MXRA7: variants seen among roughly 807,000 people sequenced by gnomAD.
MXRA7 encodes the protein matrix-remodeling-associated protein 7.
Under a neutral mutation model 17.4 loss-of-function variants are expected in MXRA7, and 18 were observed. That is an observed-to-expected ratio of 1.03 (90% confidence interval 0.71 to 1.53). The LOEUF (loss-of-function observed/expected upper bound fraction) is 1.53, where lower values mean the gene tolerates loss of function less well. Ranked by LOEUF, MXRA7 falls within the 40% of genes most tolerant of loss-of-function variation. The pLI is 0.00. For missense variants in MXRA7, 141 were observed against 209.3 expected (o/e 0.67, Z 2.01); for synonymous variants, 70 against 101.7 (o/e 0.69, Z 1.87).
intron 1 of MXRA7, among the ~76,000 whole-genome samples, chr17:76,700,858 G>A (rs947292448): frequency 3.1e-4 from 47 of 152,126 alleles, no homozygotes; most frequent in African/African-American, 9.7e-4. Context: ...ATCTGCTCAC[G>A]GGGGCAAGGA....
chr17:76,700,858 G>C (rs947292448), intron 1 of MXRA7, among the ~76,000 whole-genome samples: 1 of 152,126 alleles, frequency 6.6e-6, no homozygotes, highest in Non-Finnish European at 1.5e-5. Flanking sequence ...ATCTGCTCAC[G>C]GGGGCAAGGA....
chr17:76,684,101 C>T (rs1025775474), intron 3 of MXRA7, among the ~76,000 whole-genome samples: 4 of 151,128 alleles, frequency 2.6e-5, no homozygotes, highest in Non-Finnish European at 5.9e-5. Context: ...ATGCCAGCAG[C>T]GGGAGGGGAG....
At chr17:76,703,095 G>A (rs1159214458) in intron 1 of MXRA7, among the ~76,000 whole-genome samples, 4 of 151,260 alleles carry the variant, frequency 2.6e-5, no homozygotes, top group Non-Finnish European at 4.4e-5. Flanking sequence ...TTGGGTGACA[G>A]AACCAGACCT....
chr17:76,698,485 T>G (rs1234300026), intron 1 of MXRA7, among the ~76,000 whole-genome samples: 1 of 151,292 alleles, frequency 6.6e-6, no homozygotes, highest in Non-Finnish European at 1.5e-5. Flanking sequence ...CTCAGCCATC[T>G]CCCCCTCCAA....
At chr17:76,688,566 G>T (rs1462392466) in intron 1 of MXRA7, 9 of 1,262,900 alleles carry the variant, frequency 7.1e-6, no homozygotes, top group African/African-American at 1.5e-5. Context: ...TCTGGGACCA[G>T]GGCCAGGCAG....
rs1421256102 is a variant in MXRA7 at position 76,679,665 on chromosome 17, G to A, written c.*1202C>T. 1.1e-6 allele frequency: 1 copy of A among 933,530 alleles called. No individual in the cohort carries two copies. The highest frequency in any genetic ancestry group is 1.3e-6 in the Non-Finnish European group (1 of 782,764). The allele number at this position is 933,530 out of a possible 1,614,324, so 57.8% of individuals were successfully genotyped here. A position where few individuals can be genotyped will look rare whatever the true frequency, so the allele number is the denominator to read the frequency against. ...CATGAGGTGTGGTGCCTATAAGCCA[G>A]GGTCGGAAACTTTCCAGACAAACCT... On this transcript the variant is annotated 3_prime_UTR_variant, in exon 4 of 4. Coordinates refer to ENST00000449428, the MANE Select transcript of MXRA7 (RefSeq NM_198530.4).
chr17:76,688,343 T>C, intron 1 of MXRA7, 167 bp from the exon 2 acceptor site: 1 of 1,446,092 alleles, frequency 6.9e-7, no homozygotes, highest in Non-Finnish European at 9.1e-7. Context: ...GTGGGGGCTG[T>C]GTACAAACGA....
chr17:76,684,797 TG>T (rs1258340721), intron 3 of MXRA7: 29 of 224,548 alleles, frequency 1.3e-4, no homozygotes, highest in South Asian at 2.0e-4. Context: ...GTGGAGGGGG[TG>T]GGGGGGTGCA....
In MXRA7 at chr17:76,692,989, G is replaced by A. The variant is rs528640936; in HGVS notation, c.343-4813C>T. ...GGTCCTTTGCCTGCCTGTCCCTCCA[G>A]ACACTAGCACATGCGGAGAATTAAA... On this transcript the variant is annotated intron_variant, in intron 1 of 3. Transcript: ENST00000449428. Among the ~76,000 whole-genome samples the A allele has an allele frequency of 3.4e-4, 51 of 150,720 alleles. No homozygotes were observed. In the South Asian group the frequency reaches 8.6e-3, roughly 26 times the overall value.
intron 1 of MXRA7, among the ~76,000 whole-genome samples, chr17:76,694,050 G>C (rs2076506244): frequency 6.6e-6 from 1 of 152,222 alleles, no homozygotes; most frequent in South Asian, 2.1e-4. Flanking sequence ...CGTGGCCCCA[G>C]TTGGGGCGGT....
chr17:76,688,351 C>T (rs116164021), intron 1 of MXRA7, 175 bp from the exon 2 acceptor site: 9 of 1,442,172 alleles, frequency 6.2e-6, no homozygotes, highest in African/African-American at 2.9e-5. Flanking sequence ...TGTGTACAAA[C>T]GATGGGCCAA....
rs184358256 is a variant in MXRA7, at chr17:76,681,972, C to T, written c.501-1093G>A. 4.1e-3 allele frequency among the ~76,000 whole-genome samples: 628 copies of T among 152,270 alleles called. 7 individuals are homozygous for T. The highest frequency in any genetic ancestry group is 4.3e-3 in the South Asian group (21 of 4,828). ...GCATGAAGTGTGTGAAACTCCGGCC[C>T]GAGGGGAGAGCTGAGGAGGCGGGCA... On this transcript the variant is annotated intron_variant, in intron 3 of 3. Transcript: ENST00000449428. The surrounding 1 kb of genome is among the most constrained non-coding windows in gnomAD (Gnocchi z 4.7).
chr17:76,706,248 TCTGCCATCACAGAGGCCCACG>T (rs2076655847), intron 1 of MXRA7, among the ~76,000 whole-genome samples: 3 of 62,008 alleles, frequency 4.8e-5, no homozygotes, highest in African/African-American at 6.2e-5. Flanking sequence ...AGAGGCCCAC[TCTGCCATCACAGAGGCCCACG>T]CTGCCGTCAC....
At chr17:76,678,114 G>C (rs577190877), downstream of MXRA7, among the ~76,000 whole-genome samples, 3 of 152,184 alleles carry the variant, frequency 2.0e-5, no homozygotes, top group Non-Finnish European at 4.4e-5. Context: ...CCTTCGTTGA[G>C]AGGAATGAGC....
At chr17:76,702,881 A>ATATATATATATATATATATATATACG (rs2076610172) in intron 1 of MXRA7, among the ~76,000 whole-genome samples, 1 of 149,628 alleles carries the variant, frequency 6.7e-6, no homozygotes, top group East Asian at 2.0e-4. Flanking sequence ...ACGTATATAT[A>ATATATATATATATATATATATATACG]TATATATATC....
At chr17:76,687,889 G>A (rs1469823276) in intron 2 of MXRA7, among the ~76,000 whole-genome samples, 6 of 152,202 alleles carry the variant, frequency 3.9e-5, no homozygotes, top group Non-Finnish European at 1.5e-5. Flanking sequence ...GCCCCGGGAT[G>A]GGAAAGCCAA....
At chr17:76,701,725 G>A (rs1346618476) in intron 1 of MXRA7, among the ~76,000 whole-genome samples, 1 of 152,050 alleles carries the variant, frequency 6.6e-6, no homozygotes, top group Non-Finnish European at 1.5e-5. Flanking sequence ...TTCCTGCGAG[G>A]AGCCGACCCC....
At chr17:76,674,961 A>G (rs530809466), downstream of MXRA7, 1 of 152,336 alleles carries the variant, frequency 6.6e-6, no homozygotes, top group South Asian at 2.1e-4. Context: ...ATAAAAGCCC[A>G]CAGTACGAGG....
chr17:76,704,529 A>G (rs1330052045), intron 1 of MXRA7, among the ~76,000 whole-genome samples: 2 of 148,826 alleles, frequency 1.3e-5, no homozygotes, highest in African/African-American at 4.9e-5. Context: ...TCATGCCTGT[A>G]ATCCCAGCAC....
Sources: allele counts gnomAD v4.1 joint callset (sites outside exome capture counted in the v4.1 genomes callset), GRCh38; gene constraint gnomAD v4.1.1; non-coding constraint Gnocchi (gnomAD v3.1); transcripts MANE v1.5; gene names NCBI Gene and HGNC (gene_info 2026-07-23, HGNC 2026-07-21).